DCAF17: variants seen among roughly 807,000 people sequenced by gnomAD.
DCAF17 encodes the protein DDB1- and CUL4-associated factor 17.
A neutral mutation model predicts 66.0 loss-of-function variants in DCAF17; 48 were observed. The observed-to-expected ratio is 0.73, with a 90% CI of 0.58 to 0.92. The LOEUF (loss-of-function observed/expected upper bound fraction) is 0.92. Ranked by LOEUF, DCAF17 falls within the 40% of genes least tolerant of loss-of-function variation. The pLI is 0.00. For synonymous variants in DCAF17, 206 were observed against 214.6 expected, an observed-to-expected ratio of 0.96 and a Z score of 0.35; for missense variants, 562 against 622.8, an observed-to-expected ratio of 0.90 and a Z score of 1.04.
At position 171,448,801 on chromosome 2, in the gene DCAF17, C is replaced by T. The variant is rs1694788861; in HGVS notation, c.442C>T (p.Pro148Ser). The T allele has an allele frequency of 3.7e-6, 6 of 1,612,682 alleles. No homozygotes were observed. The East Asian group carries it at 1.3e-4, about 36-fold the overall frequency. The change falls in exon 4 of 14, where the codon CCT becomes TCT. Residue 148 changes from proline (P) to serine (S), a missense_variant. This residue lies in a region of DCAF17 where 348 missense variants were observed against 355.9 expected (regional missense o/e 0.98). Coordinates refer to ENST00000375255, the MANE Select transcript of DCAF17 (RefSeq NM_025000.4). Reference sequence around the variant, plus strand: ...AATCCTTGAGAAAATATATCTTGCACCTTATTGCAAATTCAGGTATTTACT... The same window carrying T: ...AATCCTTGAGAAAATATATCTTGCATCTTATTGCAAATTCAGGTATTTACT... Reference protein sequence around the residue: ...GKILEKIYLAPYCKFRYLSWD... With the variant: ...GKILEKIYLASYCKFRYLSWD...
chr2:171,459,051 C>T (rs1002224990), intron 8 of DCAF17, among the ~76,000 whole-genome samples: 31 of 151,904 alleles, frequency 2.0e-4, no homozygotes, highest in African/African-American at 2.4e-4. Context: ...GGCTCATGCC[C>T]GTAATCCCAG....
chr2:171,449,236 G>A (rs1263873088), intron 4 of DCAF17, among the ~76,000 whole-genome samples: 1 of 152,160 alleles, frequency 6.6e-6, no homozygotes, highest in Non-Finnish European at 1.5e-5. Flanking sequence ...TCAAACTCCT[G>A]ACCTCAAGTG....
intron 2 of DCAF17, among the ~76,000 whole-genome samples, chr2:171,440,905 T>G (rs1314067023): frequency 3.3e-5 from 5 of 152,206 alleles, no homozygotes; most frequent in Admixed American, 6.5e-5. Flanking sequence ...TCAGCATTTT[T>G]CGTGCTATGA....
chr2:171,453,058 T>G, intron 5 of DCAF17, 66 bp from the exon 6 acceptor site: 1 of 1,118,486 alleles, frequency 8.9e-7, no homozygotes, highest in South Asian at 1.5e-5. Context: ...TTTTTTCAAC[T>G]AATGAAAACA....
chr2:171,448,672 T>C lies in DCAF17; in HGVS notation c.322-9T>C, dbSNP rs886807945. 4 of 1,555,656 alleles carry C rather than the reference T, an allele frequency of 2.6e-6. No homozygotes were observed. The East Asian group carries it at 9.1e-5, about 35-fold the overall frequency. ...AGTTTCATTTTTATATCTCTCTTTTTTTTTTTAGGGAGATATACTTCCCAA... is the reference window on the plus strand; with the variant it reads ...AGTTTCATTTTTATATCTCTCTTTTCTTTTTTAGGGAGATATACTTCCCAA... On this transcript the variant is annotated splice_polypyrimidine_tract_variant and intron_variant, in intron 3 of 13. Transcript: ENST00000375255.
Position 171,476,950 on chromosome 2 carries a change from A to T in DCAF17, c.1182A>T (p.Lys394Asn). 6.2e-7 allele frequency: 1 copy of T among 1,606,376 alleles called. No individual in the cohort carries two copies. Among genetic ancestry groups the T allele is most frequent in the Non-Finnish European group, 8.5e-7 (1 of 1,173,208 alleles). ...FVILANRENH[K>N]NENVLTVTAS... ...TTTTGGCCAACAGGGAGAACCATAA[A>T]GTAAGTCAAGAGTACTTTAAAATCC... The change falls in exon 11 of 14, where the codon AAA (lysine) becomes AAT (asparagine). Residue 394 changes from lysine (K) to asparagine (N), a missense_variant and splice_region_variant. Physicochemically the swap from Lys to Asn is moderately conservative, Grantham distance 94 (BLOSUM62 0). Around this residue, in one of 3 missense-constraint regions of DCAF17, gnomAD observed 201 missense variants for 231.1 expected, o/e 0.87. Transcript: ENST00000375255.
rs1461983630 is a variant in DCAF17, at chr2:171,481,907, T to C, written c.*793T>C. On this transcript the variant is annotated 3_prime_UTR_variant, in exon 14 of 14. Transcript: ENST00000375255. ...ATTTAGTGAGTTTTCTGATCTTGTT[T>C]AGGCAATATTTGCATACTTATGCAA... 1 of 453,944 alleles carries C rather than the reference T, an allele frequency of 2.2e-6. No individual in the cohort carries two copies. Among genetic ancestry groups the C allele is most frequent in the African/African-American group, 2.0e-5 (1 of 49,992 alleles). The allele number at this position is 453,944 out of a possible 1,614,324, so 28.1% of individuals were successfully genotyped here.
At chr2:171,463,171 C>T (rs960142134) in intron 8 of DCAF17, among the ~76,000 whole-genome samples, 3 of 148,618 alleles carry the variant, frequency 2.0e-5, no homozygotes, top group South Asian at 2.1e-4. Context: ...ACAGAGGTTG[C>T]GGTGAGTGAG....
chr2:171,476,880 T>C lies in DCAF17; in HGVS notation c.1112T>C (p.Ile371Thr), dbSNP rs1696522500. 6.2e-7 allele frequency: 1 copy of C among 1,613,608 alleles called. No homozygotes were observed. The highest frequency in any genetic ancestry group is 8.5e-7 in the Non-Finnish European group (1 of 1,179,712). Reference sequence around the variant, plus strand: ...CTCAGAGTTTTGAAGCTAACTGAAATAGAAAATAATAGTTCTCAGCATCAG... The same window carrying C: ...CTCAGAGTTTTGAAGCTAACTGAAACAGAAAATAATAGTTCTCAGCATCAG... ...NQVKVLKLTE[I>T]ENNSSQHQIS... The change falls in exon 11 of 14, where the codon ATA becomes ACA. Residue 371 changes from isoleucine to threonine, a missense_variant. Physicochemically the swap from Ile to Thr is moderately conservative, Grantham distance 89. This residue lies in a region of DCAF17 where 201 missense variants were observed against 231.1 expected (regional missense o/e 0.87). Transcript: ENST00000375255.
chr2:171,478,838 A>G (rs558379842), intron 12 of DCAF17, among the ~76,000 whole-genome samples: 4 of 152,312 alleles, frequency 2.6e-5, no homozygotes, highest in African/African-American at 9.6e-5. Flanking sequence ...ATACAAACCT[A>G]TTGAGAACAA....
At chr2:171,441,932 A>G (rs1356678393) in intron 2 of DCAF17, among the ~76,000 whole-genome samples, 2 of 152,178 alleles carry the variant, frequency 1.3e-5, no homozygotes, top group African/African-American at 2.4e-5. Flanking sequence ...ATGTTATCTT[A>G]TCATGTCATT....
chr2:171,447,767 G>A (rs1002749841), intron 3 of DCAF17, among the ~76,000 whole-genome samples: 4 of 152,238 alleles, frequency 2.6e-5, no homozygotes, highest in African/African-American at 9.6e-5. Context: ...CTCTCAAAGT[G>A]CTGGGATTAC....
rs1393852246 is a variant in DCAF17, at chr2:171,448,560, C to T, written c.322-121C>T. The T allele has an allele frequency of 1.5e-5, 13 of 874,852 alleles. No homozygotes were observed. The East Asian group carries it at 3.3e-4, about 22-fold the overall frequency. 54.2% of individuals were successfully genotyped at this position (874,852 alleles called of 1,614,324 possible). A position where few individuals can be genotyped will look rare whatever the true frequency, so the allele number is the denominator to read the frequency against. On this transcript the variant is annotated intron_variant, in intron 3 of 13. Transcript: ENST00000375255. ...TTAATTCTCTAGTTGGGCATTTAAT[C>T]TTTCTTTTGTGGTTTATTTATTTGG...
chr2:171,477,708 C>T (rs1696561665), intron 11 of DCAF17, among the ~76,000 whole-genome samples: 1 of 152,146 alleles, frequency 6.6e-6, no homozygotes, highest in African/African-American at 2.4e-5. Flanking sequence ...GGGAGGATCA[C>T]TTGAGCCTGG....
At chr2:171,450,057 C>G (rs1694859746) in intron 5 of DCAF17, 100 bp downstream of exon 5, 1 of 1,060,082 alleles carries the variant, frequency 9.4e-7, no homozygotes, top group African/African-American at 1.6e-5. Flanking sequence ...ATTTCTGAAG[C>G]ATGCTGTAAA....
intron 9 of DCAF17, 135 bp downstream of exon 9, chr2:171,469,165 C>T (rs754027837): frequency 2.2e-6 from 2 of 920,998 alleles, no homozygotes; most frequent in Non-Finnish European, 3.4e-6. Context: ...ATTTAAAATA[C>T]AGAAGAATAC....
rs149921837 is a variant in DCAF17, at chr2:171,456,375, C to T, written c.628-1596C>T. On this transcript the variant is annotated intron_variant, in intron 6 of 13. Transcript: ENST00000375255. Reference sequence around the variant, plus strand: ...TTGGTTTATGTTTCTGTTCTTGTACCAGTACCATGCTGTTTTGGTTACTGT... The same window carrying T: ...TTGGTTTATGTTTCTGTTCTTGTACTAGTACCATGCTGTTTTGGTTACTGT... 1.2e-3 allele frequency among the ~76,000 whole-genome samples: 179 copies of T among 152,220 alleles called. 1 individual carries two copies. Among genetic ancestry groups the T allele is most frequent in the African/African-American group, 4.0e-3 (166 of 41,534 alleles).
rs114785890 is a variant in DCAF17 at position 171,440,795 on chromosome 2, T to A, written c.231-2728T>A. Among the ~76,000 whole-genome samples, 319 of 152,306 alleles carry A rather than the reference T, an allele frequency of 2.1e-3. 1 individual carries two copies. Among genetic ancestry groups the A allele is most frequent in the African/African-American group, 7.4e-3 (309 of 41,562 alleles). On this transcript the variant is annotated intron_variant, in intron 2 of 13. Coordinates refer to ENST00000375255, the MANE Select transcript of DCAF17 (RefSeq NM_025000.4). Reference sequence around the variant, plus strand: ...GCTTATGTTCCTGGAAAGCTGTAATTGTCAGTATCCACCTTTCTCTCCAGT... The same window carrying A: ...GCTTATGTTCCTGGAAAGCTGTAATAGTCAGTATCCACCTTTCTCTCCAGT...
At chr2:171,475,055 A>G (rs1394770388) in intron 10 of DCAF17, among the ~76,000 whole-genome samples, 1 of 152,210 alleles carries the variant, frequency 6.6e-6, no homozygotes, top group Non-Finnish European at 1.5e-5. Context: ...GATAAAAACC[A>G]ATATAGTTAG....
Sources: gnomAD v4.1 joint callset for allele counts (sites outside exome capture counted in the v4.1 genomes callset) on GRCh38, gnomAD v4.1.1 for gene constraint, gnomAD v4.1.1 regional missense constraint, MANE v1.5 for transcripts, NCBI Gene and HGNC (gene_info 2026-07-23, HGNC 2026-07-21) for gene names.